Variants in LAMA5 observed in about 807,000 individuals in gnomAD.
The protein encoded by LAMA5 is laminin subunit alpha 5, also known as laminin subunit alpha-5.
Under a neutral mutation model 433.4 loss-of-function variants are expected in LAMA5, and 260 were observed. The ratio of observed to expected loss-of-function variants is 0.60; its 90% confidence interval spans 0.54 to 0.66. The LOEUF is 0.66. LAMA5 is among the 30% of genes least tolerant of loss of function. The pLI is 0.00. For synonymous variants in LAMA5, 2,620 were observed against 2,226.6 expected (o/e 1.18, Z -4.97); for missense variants, 5,378 against 5,258.5 (o/e 1.02, Z -0.70).
Position 62,312,690 on chromosome 20 carries a change from G to A in LAMA5, c.9169C>T (p.Leu3057=). ...TVYSVEQDND[L]ELADAYYLGG... ...AGGTAGTAGGCGTCGGCCAGCTCCA[G>A]ATCATTGTCCTGCTCCACGCTGTAC... The change falls in exon 67 of 80, where the codon CTG becomes TTG. Residue 3057 remains leucine, a synonymous_variant. Transcript: ENST00000252999. 1 of 1,607,400 alleles carries A rather than the reference G, an allele frequency of 6.2e-7. No individual in the cohort carries two copies. The highest frequency in any genetic ancestry group is 8.5e-7 in the Non-Finnish European group (1 of 1,177,778).
rs1222335701 is a variant in LAMA5, at chr20:62,346,298, C to T, written c.1283-83G>A. 19 of 1,514,358 alleles carry T rather than the reference C, an allele frequency of 1.3e-5. No individual in the cohort carries two copies. The African/African-American group carries it at 1.8e-4, about 14-fold the overall frequency. The allele number at this position is 1,514,358 out of a possible 1,614,324, so 93.8% of individuals were successfully genotyped here. On this transcript the variant is annotated intron_variant, in intron 9 of 79. Transcript: ENST00000252999. The stretch of plus-strand genomic sequence containing the variant: ...CCAAGATGTGGCAGTCTCTACCTCC[C>T]CAGCCAGGGCCATGGGGATGAGGGC...
Position 62,316,011 on chromosome 20 carries a change from C to T in LAMA5, c.7804G>A (p.Ala2602Thr), listed in dbSNP as rs748464914. The T allele has an allele frequency of 6.2e-7, 1 of 1,609,866 alleles. No individual in the cohort carries two copies. Among genetic ancestry groups the T allele is most frequent in the African/African-American group, 1.3e-5 (1 of 75,056 alleles). The stretch of plus-strand genomic sequence containing the variant: ...TGCGCCTCCAGCTGGTCCTTCTTGG[C>T]CCGGACATCTCGGAGCTGGGTCCTG... ...GARTQLRDVR[A>T]KKDQLEAHIQ... is the part of the protein sequence containing the mutation. Residue 2602 changes from alanine to threonine, a missense_variant, in exon 58 of 80, where the codon GCC becomes ACC. Coordinates refer to ENST00000252999, the MANE Select transcript of LAMA5 (RefSeq NM_005560.6).
intron 29 of LAMA5, 37 bp downstream of exon 29, chr20:62,330,995 C>G: frequency 1.3e-6 from 2 of 1,573,200 alleles, no homozygotes; most frequent in Non-Finnish European, 1.7e-6. Context: ...GCCGGGCCCT[C>G]GGCCGCGCCC....
chr20:62,317,032 G>A lies in LAMA5; in HGVS notation c.7512-9C>T. 6.6e-7 allele frequency: 1 copy of A among 1,519,352 alleles called. No individual in the cohort carries two copies. Among genetic ancestry groups the A allele is most frequent in the South Asian group, 1.3e-5 (1 of 77,334 alleles). The allele number at this position is 1,519,352 out of a possible 1,614,324, so 94.1% of individuals were successfully genotyped here. A position where few individuals can be genotyped will look rare whatever the true frequency, so the allele number is the denominator to read the frequency against. On this transcript the variant is annotated splice_polypyrimidine_tract_variant and intron_variant, in intron 55 of 79. Coordinates refer to ENST00000252999, the MANE Select transcript of LAMA5 (RefSeq NM_005560.6). ...TGACGTCCAGGATGATGCTGCAGCG[G>A]AAGGGAGGGTCGAAGGAGTGGGTAA...
chr20:62,329,667 G>T, intron 32 of LAMA5, 110 bp downstream of exon 32: 1 of 1,369,624 alleles, frequency 7.3e-7, no homozygotes, highest in Non-Finnish European at 1.0e-6. Flanking sequence ...TGGGCACAAG[G>T]CCAGGCCTCA....
chr20:62,321,253 C>T (rs1438720289), intron 48 of LAMA5, among the ~76,000 whole-genome samples: 3 of 69,526 alleles, frequency 4.3e-5, no homozygotes, highest in South Asian at 5.2e-4. Context: ...AGGGGTGGGG[C>T]CAGTGGAGGC....
chr20:62,348,805 G>A (rs1008522362), intron 6 of LAMA5, among the ~76,000 whole-genome samples: 4 of 152,090 alleles, frequency 2.6e-5, no homozygotes, highest in African/African-American at 4.8e-5. Context: ...AAGTGGAAGA[G>A]GAGCAAAGGA....
chr20:62,329,644 G>T, intron 32 of LAMA5, 133 bp downstream of exon 32: 1 of 1,157,360 alleles, frequency 8.6e-7, no homozygotes. Context: ...CCCAAAGGCA[G>T]GAGCTGCTTT....
intron 11 of LAMA5, chr20:62,345,309 CTT>C (rs56342658): frequency 0.75 from 104,620 of 139,104 alleles, 41,891 homozygotes; most frequent in East Asian, 0.93. Flanking sequence ...AACCAATTTT[CTT>C]TTTTTTTTTT....
intron 63 of LAMA5, 39 bp from the exon 64 acceptor site, chr20:62,313,499 GCGCCTCCCCT>G: frequency 6.4e-7 from 1 of 1,568,566 alleles, no homozygotes; most frequent in South Asian, 1.2e-5. Context: ...CTGGCCTGAG[GCGCCTCCCCT>G]CCAGGATGGA....
intron 1 of LAMA5, among the ~76,000 whole-genome samples, chr20:62,363,337 C>T (rs1166574129): frequency 6.6e-6 from 1 of 152,200 alleles, no homozygotes; most frequent in Non-Finnish European, 1.5e-5. Flanking sequence ...CCTCAATGTC[C>T]CCATCCAAAG....
In LAMA5 at chr20:62,310,722, C is replaced by A; in HGVS notation, c.10389G>T (p.Gln3463His). ...GGCCGCCCACAAAGAGGGTGTGGGG[C>A]TGGGGGTGCTCTGCCCCCTGGTGCT... Reference protein sequence around the residue: ...HRQHQGAEHPQPHTLFVGGLP... With the variant: ...HRQHQGAEHPHPHTLFVGGLP... The change falls in exon 75 of 80, where the codon CAG becomes CAT. Residue 3463 changes from glutamine (Q) to histidine (H), a missense_variant. Coordinates refer to ENST00000252999, the MANE Select transcript of LAMA5 (RefSeq NM_005560.6). 1 of 1,595,262 alleles carries A rather than the reference C, an allele frequency of 6.3e-7. No individual in the cohort carries two copies. The highest frequency in any genetic ancestry group is 1.1e-5 in the South Asian group (1 of 88,670).
intron 16 of LAMA5, 135 bp from the exon 17 acceptor site, chr20:62,336,921 G>T (rs532206860): frequency 1.2e-6 from 1 of 857,380 alleles, no homozygotes; most frequent in Non-Finnish European, 1.9e-6. Flanking sequence ...CCACATGGAC[G>T]GCCTGAAAAC....
chr20:62,344,087 C>T (rs1276344933), intron 11 of LAMA5, among the ~76,000 whole-genome samples: 1 of 144,330 alleles, frequency 6.9e-6, no homozygotes, highest in Non-Finnish European at 1.5e-5. Flanking sequence ...CAAGTGGTAG[C>T]GAGCCAAGAT....
In LAMA5 at chr20:62,338,107, A is replaced by T; in HGVS notation, c.1800T>A (p.Asp600Glu). 6.2e-7 allele frequency: 1 copy of T among 1,600,640 alleles called. No individual in the cohort carries two copies. The highest frequency in any genetic ancestry group is 1.3e-5 in the African/African-American group (1 of 74,816). The change falls in exon 14 of 80, where the codon GAT becomes GAA. Residue 600 changes from aspartate to glutamate, a missense_variant. Transcript: ENST00000252999. ...SPAGTLPEGC[D>E]EAGRCLCQPE... ...GCTGGCATAGGCAGCGGCCGGCCTC[A>T]TCGCAGCCCTCGGGCAAGGTTCCTG... is the stretch of plus-strand genomic sequence containing the variant.
chr20:62,358,373 C>G (rs1310873477), intron 2 of LAMA5, among the ~76,000 whole-genome samples: 1 of 152,168 alleles, frequency 6.6e-6, no homozygotes, highest in Non-Finnish European at 1.5e-5. Flanking sequence ...TGGTTCAGCC[C>G]GTGCACCTGT....
intron 11 of LAMA5, among the ~76,000 whole-genome samples, chr20:62,340,301 C>CTTT (rs1555881500): frequency 2.2e-5 from 2 of 92,698 alleles, no homozygotes; most frequent in Non-Finnish European, 4.9e-5. Context: ...AACAAGCCTC[C>CTTT]TTTGTTTTTT....
intron 50 of LAMA5, among the ~76,000 whole-genome samples, chr20:62,320,318 C>CCA (rs1987541134): frequency 2.0e-5 from 1 of 51,250 alleles, no homozygotes; most frequent in Non-Finnish European, 3.4e-5. Flanking sequence ...AACTGTGTCT[C>CCA]AAAAAAAAAA....
At chr20:62,328,188 A>G (rs1457775029) in intron 35 of LAMA5, 53 bp downstream of exon 35, 7 of 1,533,926 alleles carry the variant, frequency 4.6e-6, no homozygotes, top group Non-Finnish European at 6.2e-6. Flanking sequence ...GCTAGAGGAA[A>G]TGCTGTCCTT....
Sources: allele counts gnomAD v4.1 joint callset (sites outside exome capture counted in the v4.1 genomes callset), GRCh38; gene constraint gnomAD v4.1.1; transcripts MANE v1.5; gene names NCBI Gene and HGNC (gene_info 2026-07-23, HGNC 2026-07-21).